The following RGS12 variants were observed in gnomAD, a reference collection of about 807,000 sequenced individuals.
RGS12 encodes the protein regulator of G protein signaling 12, also known as regulator of G-protein signaling 12.
In RGS12, 66 loss-of-function variants were observed where a neutral mutation model predicts 120.1. The observed-to-expected ratio is 0.55, with a 90% CI of 0.45 to 0.67. The LOEUF is 0.67. RGS12 is among the 30% of genes least tolerant of loss of function. RGS12 has a pLI of 0.00. For missense variants in RGS12, 1,859 were observed against 1,957.7 expected (o/e 0.95, Z 0.95); for synonymous variants, 827 against 804.7 (o/e 1.03, Z -0.47).
intron 4 of RGS12, among the ~76,000 whole-genome samples, chr4:3,406,859 G>A (rs1171368477): frequency 1.3e-5 from 2 of 152,226 alleles, no homozygotes; most frequent in African/African-American, 4.8e-5. Context: ...ATGTCTGTGA[G>A]TTGGCATATT....
chr4:3,344,408 C>T (rs1004300451), intron 3 of RGS12, among the ~76,000 whole-genome samples: 4 of 152,124 alleles, frequency 2.6e-5, no homozygotes, highest in South Asian at 2.1e-4. Context: ...CTGAGGACCC[C>T]GGGACCATTT....
intron 5 of RGS12, 50 bp downstream of exon 5, chr4:3,414,291 G>A: frequency 8.1e-6 from 12 of 1,483,416 alleles, no homozygotes; most frequent in Non-Finnish European, 1.1e-5. Context: ...GCTCTGCAGA[G>A]ACTACCGAGC....
At chr4:3,335,570 G>A (rs1712356550) in intron 2 of RGS12, among the ~76,000 whole-genome samples, 1 of 152,142 alleles carries the variant, frequency 6.6e-6, no homozygotes, top group African/African-American at 2.4e-5. Flanking sequence ...CCATAGCAAC[G>A]TTTCACCCTC....
intron 3 of RGS12, among the ~76,000 whole-genome samples, chr4:3,380,017 A>C (rs1718101029): frequency 6.6e-6 from 1 of 152,256 alleles, no homozygotes; most frequent in Admixed American, 6.5e-5. Context: ...TATCTGAGAC[A>C]AGGCAAGTCC....
At chr4:3,369,932 A>G in intron 3 of RGS12, 2 of 909,606 alleles carry the variant, frequency 2.2e-6, no homozygotes, top group South Asian at 8.8e-5. Flanking sequence ...CCACGATGCT[A>G]AAAAAAACAA....
chr4:3,338,035 G>A (rs1410019271), intron 2 of RGS12, among the ~76,000 whole-genome samples: 1 of 152,070 alleles, frequency 6.6e-6, no homozygotes, highest in Non-Finnish European at 1.5e-5. Flanking sequence ...ATGATTCTTT[G>A]CTCCGAACTG....
intron 17 of RGS12, among the ~76,000 whole-genome samples, chr4:3,437,444 C>T (rs1724919340): frequency 6.6e-6 from 1 of 152,192 alleles, no homozygotes; most frequent in Admixed American, 6.5e-5. Flanking sequence ...CAGGCAAATG[C>T]CCAAATGCCC....
chr4:3,322,593 T>A (rs1312765727), intron 2 of RGS12, among the ~76,000 whole-genome samples: 1 of 152,118 alleles, frequency 6.6e-6, no homozygotes, highest in East Asian at 1.9e-4. Flanking sequence ...ATTAATTAAT[T>A]AAATTAATTA....
intron 3 of RGS12, among the ~76,000 whole-genome samples, chr4:3,369,214 C>T (rs1019753273): frequency 2.6e-5 from 4 of 152,200 alleles, no homozygotes; most frequent in African/African-American, 7.2e-5. Context: ...ACTTTTGTTA[C>T]GTGCACAGCT....
chr4:3,348,896 G>A (rs1164720133), intron 3 of RGS12, among the ~76,000 whole-genome samples: 1 of 152,194 alleles, frequency 6.6e-6, no homozygotes, highest in Non-Finnish European at 1.5e-5. Flanking sequence ...TTCACCTGGA[G>A]AGGAAGACCC....
Position 3,304,072 on chromosome 4 carries a change from A to G in RGS12, c.-102+10973A>G, listed in dbSNP as rs142808564. ...TGACAATGGAAGAGGAAGAAAGCGC[A>G]TTTGCTCCATGAGGCCGGAATTGAG... On this transcript the variant is annotated intron_variant, in intron 1 of 17. Transcript: ENST00000336727. 3.0e-3 allele frequency among the ~76,000 whole-genome samples: 464 copies of G among 152,254 alleles called. 6 individuals are homozygous for G. Among genetic ancestry groups the G allele is most frequent in the Admixed American group, 0.027 (416 of 15,290 alleles).
intron 17 of RGS12, among the ~76,000 whole-genome samples, chr4:3,432,405 GT>G (rs1228316072): frequency 7.2e-5 from 11 of 152,364 alleles, no homozygotes; most frequent in African/African-American, 2.6e-4. Context: ...TGGTGGCCCG[GT>G]GGCGGGTGCT....
At chr4:3,321,839 C>A (rs1310619736) in intron 2 of RGS12, among the ~76,000 whole-genome samples, 2 of 152,204 alleles carry the variant, frequency 1.3e-5, no homozygotes, top group Non-Finnish European at 2.9e-5. Flanking sequence ...CTTCAGCATT[C>A]CCTCTACACA....
intron 3 of RGS12, among the ~76,000 whole-genome samples, chr4:3,353,092 T>C (rs553672079): frequency 7.2e-5 from 11 of 152,250 alleles, no homozygotes; most frequent in Non-Finnish European, 1.5e-4. Flanking sequence ...ACTTTCCGCT[T>C]CTTGCTCATC....
At chr4:3,399,471 GA>G (rs1720366302) in intron 4 of RGS12, among the ~76,000 whole-genome samples, 1 of 152,066 alleles carries the variant, frequency 6.6e-6, no homozygotes, top group African/African-American at 2.4e-5. Flanking sequence ...AAAAGAAAAA[GA>G]GGAAGAGGAC....
intron 6 of RGS12, among the ~76,000 whole-genome samples, chr4:3,415,528 C>T (rs760989797): frequency 5.3e-5 from 8 of 152,126 alleles, no homozygotes; most frequent in Non-Finnish European, 8.8e-5. Flanking sequence ...TCCTGCGCCT[C>T]GTGGGAGGTG....
chr4:3,363,102 A>T (rs114425769), intron 3 of RGS12, among the ~76,000 whole-genome samples: 1 of 119,040 alleles, frequency 8.4e-6, no homozygotes, highest in Admixed American at 8.4e-5. Context: ...TGTGTATGTG[A>T]GTGTGTGTGT....
Position 3,422,983 on chromosome 4 carries a change from G to A in RGS12, c.3107+5G>A. On this transcript the variant is annotated splice_donor_5th_base_variant and intron_variant, in intron 12 of 17. Transcript: ENST00000336727. ...AGAAAAGCGCACCTTGTTTCGGTAA[G>A]AGGAAGATCGCTGTCATTCACCTGA... 6.2e-7 allele frequency: 1 copy of A among 1,612,120 alleles called. No individual in the cohort carries two copies. The highest frequency in any genetic ancestry group is 1.3e-5 in the African/African-American group (1 of 75,034).
At chr4:3,295,761 C>A (rs1186790592) in intron 1 of RGS12, among the ~76,000 whole-genome samples, 1 of 151,778 alleles carries the variant, frequency 6.6e-6, no homozygotes, top group South Asian at 2.1e-4. Context: ...TCATTAGTTA[C>A]GACTTAACAC....
Sources: allele counts gnomAD v4.1 joint callset (sites outside exome capture counted in the v4.1 genomes callset), GRCh38; gene constraint gnomAD v4.1.1; transcripts MANE v1.5; gene names NCBI Gene and HGNC (gene_info 2026-07-23, HGNC 2026-07-21).